The following SRPK2 variants were observed in gnomAD, a reference collection of about 807,000 sequenced individuals.
SRPK2 encodes the protein SRSF protein kinase 2.
A neutral mutation model predicts 90.8 loss-of-function variants in SRPK2; 21 were observed. The ratio of observed to expected loss-of-function variants is 0.23; its 90% CI spans 0.16 to 0.33. The LOEUF (loss-of-function observed/expected upper bound fraction) is 0.33, where lower values mean the gene tolerates loss of function less well. Ranked by LOEUF, SRPK2 falls within the 10% of genes least tolerant of loss-of-function variation. The pLI is 1.00. For synonymous variants in SRPK2, 288 were observed against 311.1 expected (o/e 0.93, Z 0.78); for missense variants, 620 against 869.0 (o/e 0.71, Z 3.60).
intron 8 of SRPK2, 151 bp from the exon 9 acceptor site, chr7:105,145,459 T>C (rs1236368463): frequency 1.4e-5 from 7 of 518,346 alleles, no homozygotes; most frequent in Non-Finnish European, 2.3e-5. Flanking sequence ...ATCACAAGGA[T>C]CTAGAGTAAG....
chr7:105,237,478 C>T (rs1395343342), intron 2 of SRPK2, among the ~76,000 whole-genome samples: 1 of 152,194 alleles, frequency 6.6e-6, no homozygotes. Flanking sequence ...ATTAAAACAA[C>T]TCAAAGCTCA....
chr7:105,135,212 A>C (rs1269491880), intron 11 of SRPK2, among the ~76,000 whole-genome samples: 1 of 152,234 alleles, frequency 6.6e-6, no homozygotes, highest in East Asian at 1.9e-4. Context: ...CAATATCTAC[A>C]AGTTGTAAGA....
At chr7:105,226,326 A>G (rs1288083979) in intron 2 of SRPK2, among the ~76,000 whole-genome samples, 1 of 152,032 alleles carries the variant, frequency 6.6e-6, no homozygotes, top group African/African-American at 2.4e-5. Context: ...CACTCACTCT[A>G]TCACCTAGGT....
At chr7:105,183,960 G>A (rs1215373851) in intron 3 of SRPK2, among the ~76,000 whole-genome samples, 2 of 147,036 alleles carry the variant, frequency 1.4e-5, no homozygotes, top group Non-Finnish European at 3.0e-5. Flanking sequence ...AAGAGTTAAC[G>A]TACACTATTA....
intron 3 of SRPK2, among the ~76,000 whole-genome samples, chr7:105,194,621 A>G (rs982750891): frequency 1.3e-5 from 2 of 152,260 alleles, no homozygotes; most frequent in African/African-American, 4.8e-5. Context: ...AAACAGACAC[A>G]ATACCATGTT....
chr7:105,223,792 A>T (rs1463748816), intron 2 of SRPK2, among the ~76,000 whole-genome samples: 1 of 152,234 alleles, frequency 6.6e-6, no homozygotes, highest in Admixed American at 6.5e-5. Flanking sequence ...CAGCTTTTTT[A>T]AAAAATGAAA....
chr7:105,290,043 C>CAG (rs1808749441), intron 2 of SRPK2, among the ~76,000 whole-genome samples: 2 of 152,090 alleles, frequency 1.3e-5, no homozygotes, highest in Non-Finnish European at 2.9e-5. Context: ...ACTAAACTCA[C>CAG]TGTCTTATAT....
chr7:105,357,669 A>C (rs888640516), intron 2 of SRPK2, among the ~76,000 whole-genome samples: 3 of 151,798 alleles, frequency 2.0e-5, no homozygotes, highest in Non-Finnish European at 4.4e-5. Context: ...GCTTGAACCC[A>C]GGAGGCGGAG....
At chr7:105,280,933 C>A (rs1807215816) in intron 2 of SRPK2, among the ~76,000 whole-genome samples, 1 of 94,910 alleles carries the variant, frequency 1.1e-5, no homozygotes, top group African/African-American at 4.4e-5. Context: ...GGCGACAGAG[C>A]GAAGACTCCA....
chr7:105,342,227 G>T (rs1418161674), intron 2 of SRPK2, among the ~76,000 whole-genome samples: 1 of 151,512 alleles, frequency 6.6e-6, no homozygotes, highest in African/African-American at 2.4e-5. Flanking sequence ...GAAAGGCCAA[G>T]GCAGGAGAAT....
intron 2 of SRPK2, among the ~76,000 whole-genome samples, chr7:105,253,023 G>A (rs182951398): frequency 7.5e-4 from 114 of 152,266 alleles, no homozygotes; most frequent in Middle Eastern, 3.4e-3. Flanking sequence ...GATTACAGGC[G>A]TGAGCCACCG....
At chr7:105,151,256 C>T (rs1410811772) in intron 7 of SRPK2, among the ~76,000 whole-genome samples, 3 of 152,204 alleles carry the variant, frequency 2.0e-5, no homozygotes, top group African/African-American at 7.2e-5. Flanking sequence ...GCGTTAAAAA[C>T]ATGACCTTGG....
chr7:105,130,413 G>GGT (rs1248692001), intron 13 of SRPK2, among the ~76,000 whole-genome samples: 3 of 152,056 alleles, frequency 2.0e-5, no homozygotes, highest in African/African-American at 7.2e-5. Flanking sequence ...AGCCAGGCGT[G>GGT]GTGGCATGTG....
At chr7:105,271,916 T>C (rs1805884017) in intron 2 of SRPK2, among the ~76,000 whole-genome samples, 1 of 152,214 alleles carries the variant, frequency 6.6e-6, no homozygotes, top group Non-Finnish European at 1.5e-5. Context: ...CTGATAAACT[T>C]AGAAACAAAC....
At chr7:105,159,147 C>T (rs1807029835) in intron 7 of SRPK2, among the ~76,000 whole-genome samples, 1 of 151,918 alleles carries the variant, frequency 6.6e-6, no homozygotes, top group Non-Finnish European at 1.5e-5. Context: ...CTCTCCAGCC[C>T]CTCTTCTCAA....
intron 2 of SRPK2, among the ~76,000 whole-genome samples, chr7:105,214,286 A>G (rs182889147): frequency 1.3e-5 from 2 of 152,340 alleles, no homozygotes; most frequent in Admixed American, 6.5e-5. Flanking sequence ...TAGTAAGGTT[A>G]GCTGAAAAAG....
chr7:105,343,088 T>C (rs2131915128), intron 2 of SRPK2, among the ~76,000 whole-genome samples: 1 of 152,330 alleles, frequency 6.6e-6, no homozygotes, highest in African/African-American at 2.4e-5. Flanking sequence ...GACAGAAGGC[T>C]TCAAGGAGGA....
intron 11 of SRPK2, among the ~76,000 whole-genome samples, chr7:105,137,914 C>T (rs1280561778): frequency 1.3e-5 from 2 of 152,180 alleles, no homozygotes; most frequent in East Asian, 3.8e-4. Flanking sequence ...CCTTCCCATG[C>T]AGAAAACAAA....
chr7:105,250,655 A>C (rs1802363095), intron 2 of SRPK2, among the ~76,000 whole-genome samples: 1 of 152,226 alleles, frequency 6.6e-6, no homozygotes. Context: ...ACTTCAGTAG[A>C]TCTACTTTAA....
Sources: gnomAD v4.1 joint callset for allele counts (sites outside exome capture counted in the v4.1 genomes callset) on GRCh38, gnomAD v4.1.1 for gene constraint, MANE v1.5 for transcripts, NCBI Gene and HGNC (gene_info 2026-07-23, HGNC 2026-07-21) for gene names.